TTLL11: variants seen among roughly 807,000 people sequenced by gnomAD.
TTLL11 encodes the protein tubulin tyrosine ligase like 11.
In TTLL11, 42 loss-of-function variants were observed where a neutral mutation model predicts 51.7. That is an observed-to-expected ratio of 0.81 (90% CI 0.64 to 1.05). TTLL11 has a LOEUF of 1.05. Among genes scored for constraint, TTLL11 ranks in the 50% least tolerant of loss-of-function variants. The pLI, the probability that TTLL11 is intolerant of heterozygous loss-of-function variation, is 0.00. For missense variants in TTLL11, 799 were observed against 940.4 expected, an observed-to-expected ratio of 0.85 and a Z score of 1.97; for synonymous variants, 381 against 383.5, an observed-to-expected ratio of 0.99 and a Z score of 0.08.
chr9:122,031,894 G>T (rs1844562872), intron 2 of TTLL11, 38 bp from the exon 3 acceptor site: 1 of 1,593,298 alleles, frequency 6.3e-7, no homozygotes. Context: ...TAACAACAGT[G>T]GGCTACTAGC....
At chr9:122,030,795 A>G (rs925866271) in intron 3 of TTLL11, among the ~76,000 whole-genome samples, 14 of 148,440 alleles carry the variant, frequency 9.4e-5, no homozygotes, top group African/African-American at 3.3e-4. Flanking sequence ...AAAAAAAAAA[A>G]GCCGGTGTGG....
At chr9:121,973,968 G>A in intron 6 of TTLL11, 41 bp downstream of exon 6, 2 of 1,475,604 alleles carry the variant, frequency 1.4e-6, no homozygotes, top group Non-Finnish European at 1.8e-6. Context: ...CGGGTTAGGA[G>A]GCAGAGTTGA....
chr9:121,893,379 C>T (rs1190931989), intron 6 of TTLL11, among the ~76,000 whole-genome samples: 1 of 150,554 alleles, frequency 6.6e-6, no homozygotes, highest in African/African-American at 2.4e-5. Context: ...TGAGGGGGGC[C>T]ATGTGAGATT....
chr9:121,971,151 G>A (rs1288227071), intron 6 of TTLL11, among the ~76,000 whole-genome samples: 2 of 68,744 alleles, frequency 2.9e-5, no homozygotes, highest in Non-Finnish European at 6.7e-5. Flanking sequence ...CAGCCGCCCC[G>A]TCCGGGAGGG....
intron 6 of TTLL11, among the ~76,000 whole-genome samples, chr9:121,946,166 A>G (rs1841654222): frequency 1.3e-5 from 2 of 152,194 alleles, no homozygotes; most frequent in Admixed American, 1.3e-4. Flanking sequence ...ACAATATAAT[A>G]CAGGAACTAC....
At chr9:122,002,814 C>T (rs1467905232) in intron 3 of TTLL11, among the ~76,000 whole-genome samples, 6 of 151,838 alleles carry the variant, frequency 4.0e-5, no homozygotes, top group Middle Eastern at 3.2e-3. Flanking sequence ...GGCGTGGTGG[C>T]GCATGCCTAT....
chr9:121,830,701 A>G (rs981256663), intron 8 of TTLL11, among the ~76,000 whole-genome samples: 1 of 152,166 alleles, frequency 6.6e-6, no homozygotes, highest in Non-Finnish European at 1.5e-5. Flanking sequence ...TTGCCCACTA[A>G]GTAGGAGAGA....
At chr9:121,988,963 C>T (rs1335812134) in intron 4 of TTLL11, 22 of 944,656 alleles carry the variant, frequency 2.3e-5, no homozygotes, top group African/African-American at 3.3e-5. Context: ...GATAGGTATT[C>T]TTCATTTCAT....
At chr9:121,993,151 T>G (rs894461469) in intron 3 of TTLL11, among the ~76,000 whole-genome samples, 1 of 152,192 alleles carries the variant, frequency 6.6e-6, no homozygotes, top group Non-Finnish European at 1.5e-5. Context: ...AATTAATGAT[T>G]ATTGGGTACA....
chr9:121,863,302 T>C (rs1838075603), intron 7 of TTLL11, among the ~76,000 whole-genome samples: 1 of 152,196 alleles, frequency 6.6e-6, no homozygotes, highest in African/African-American at 2.4e-5. Context: ...ACAGCCTGCA[T>C]TGCTAATTTA....
intron 3 of TTLL11, among the ~76,000 whole-genome samples, chr9:122,029,340 C>T (rs1256790397): frequency 1.3e-5 from 2 of 151,982 alleles, no homozygotes; most frequent in Non-Finnish European, 2.9e-5. Context: ...CAGAAGAAAG[C>T]ACTGTTATCA....
intron 6 of TTLL11, among the ~76,000 whole-genome samples, chr9:121,934,478 A>C (rs1841119132): frequency 6.6e-6 from 1 of 152,238 alleles, no homozygotes; most frequent in South Asian, 2.1e-4. Context: ...TCATGGCGGC[A>C]GATAGGAGTT....
intron 8 of TTLL11, among the ~76,000 whole-genome samples, chr9:121,839,192 A>C (rs1181173257): frequency 6.6e-6 from 1 of 152,206 alleles, no homozygotes. Context: ...GTCTAATTAC[A>C]TGCAATTTCT....
intron 6 of TTLL11, among the ~76,000 whole-genome samples, chr9:121,878,088 C>T (rs774728992): frequency 1.2e-4 from 19 of 152,228 alleles, no homozygotes; most frequent in Non-Finnish European, 1.8e-4. Flanking sequence ...GCGCTTTCCA[C>T]GCCATCATGC....
At chr9:121,945,306 C>A (rs776774032) in intron 6 of TTLL11, among the ~76,000 whole-genome samples, 3 of 152,182 alleles carry the variant, frequency 2.0e-5, no homozygotes, top group Non-Finnish European at 4.4e-5. Flanking sequence ...TTTAATTCCA[C>A]CCAGTATCAG....
chr9:121,981,797 T>C (rs1182696597), intron 4 of TTLL11, among the ~76,000 whole-genome samples: 1 of 152,186 alleles, frequency 6.6e-6, no homozygotes, highest in Non-Finnish European at 1.5e-5. Context: ...ACCCTCGCTG[T>C]TAAGGCAGAA....
intron 6 of TTLL11, among the ~76,000 whole-genome samples, chr9:121,921,292 G>A (rs567765634): frequency 5.3e-5 from 8 of 152,294 alleles, no homozygotes; most frequent in Admixed American, 2.0e-4. Context: ...GTGCCAAGAA[G>A]TATTCATATC....
chr9:121,954,274 T>C (rs1017002157), intron 6 of TTLL11, among the ~76,000 whole-genome samples: 4 of 152,176 alleles, frequency 2.6e-5, no homozygotes, highest in Admixed American at 1.3e-4. Context: ...AGAGGAATGA[T>C]CTCTCATAAA....
intron 3 of TTLL11, among the ~76,000 whole-genome samples, chr9:121,994,542 C>T (rs779240511): frequency 6.6e-6 from 1 of 152,112 alleles, no homozygotes; most frequent in African/African-American, 2.4e-5. Context: ...AAAGATTACA[C>T]AGCCAATAGG....
Sources: allele counts gnomAD v4.1 joint callset (sites outside exome capture counted in the v4.1 genomes callset), GRCh38; gene constraint gnomAD v4.1.1; transcripts MANE v1.5; gene names NCBI Gene and HGNC (gene_info 2026-07-23, HGNC 2026-07-21).